The following NKIRAS1 variants were observed in gnomAD, a reference collection of about 807,000 sequenced individuals.
NKIRAS1 encodes the protein NFKB inhibitor interacting Ras like 1.
A neutral mutation model predicts 19.8 loss-of-function variants in NKIRAS1; 16 were observed. The ratio of observed to expected loss-of-function variants is 0.81; its 90% CI spans 0.55 to 1.23. The LOEUF is 1.23. NKIRAS1 is among the 50% of genes most tolerant of loss of function. The pLI, the probability that NKIRAS1 is intolerant of heterozygous loss-of-function variation, is 0.00. For synonymous variants in NKIRAS1, 88 were observed against 79.0 expected (o/e 1.11, Z -0.61); for missense variants, 184 against 220.0 (o/e 0.84, Z 1.04).
chr3:23,921,727 G>GCCA, upstream of NKIRAS1: 1 of 628,432 alleles, frequency 1.6e-6, no homozygotes, highest in Non-Finnish European at 2.8e-6. Context: ...GGCGCACACT[G>GCCA]CCATGCCCAG....
chr3:23,937,154 C>T (rs1705408782), intron 1 of NKIRAS1, among the ~76,000 whole-genome samples: 2 of 151,608 alleles, frequency 1.3e-5, no homozygotes, highest in South Asian at 4.2e-4. Context: ...CTGAGGTGGG[C>T]AGATCACTTG....
chr3:23,921,582 T>TTC, upstream of NKIRAS1: 2 of 676,970 alleles, frequency 3.0e-6, no homozygotes, highest in Non-Finnish European at 5.3e-6. Flanking sequence ...TTTTTTTTTT[T>TTC]TTTTTTTTTT....
chr3:23,907,359 G>T (rs899587670), intron 3 of NKIRAS1, among the ~76,000 whole-genome samples: 10 of 151,926 alleles, frequency 6.6e-5, no homozygotes, highest in Non-Finnish European at 1.5e-4. Context: ...TTTCTGGGGG[G>T]ACAAAAATTT....
chr3:23,893,137 CAAAGG>C lies in NKIRAS1; in HGVS notation c.532_536del (p.Pro178AlafsTer10), dbSNP rs933943912. 6.3e-7 allele frequency: 1 copy of C among 1,586,712 alleles called. No homozygotes were observed. Among genetic ancestry groups the C allele is most frequent in the Non-Finnish European group, 8.6e-7 (1 of 1,169,126 alleles). On this transcript the variant is annotated frameshift_variant, in exon 5 of 5. Coordinates refer to ENST00000425478, the MANE Select transcript of NKIRAS1 (RefSeq NM_020345.4). LOFTEE classifies it high-confidence loss of function. Reference sequence around the variant, plus strand: ...AGTTCCCTTTGTTTTTCCTCCCAGGCAAAGGAAAGCTTGATTTGCTCTGGGGTTGA... The same window carrying C: ...AGTTCCCTTTGTTTTTCCTCCCAGGCAAAGCTTGATTTGCTCTGGGGTTGA...
At chr3:23,941,863 A>G (rs926441219) in intron 1 of NKIRAS1, among the ~76,000 whole-genome samples, 2 of 152,246 alleles carry the variant, frequency 1.3e-5, no homozygotes, top group Admixed American at 6.5e-5. Context: ...CATCGAAGAG[A>G]GGGTCTTAAA....
chr3:23,924,602 G>A, intron 1 of NKIRAS1, among the ~76,000 whole-genome samples: 1 of 152,056 alleles, frequency 6.6e-6, no homozygotes, highest in East Asian at 1.9e-4. Context: ...TTTGCACCAT[G>A]TTTGCCAGGC....
chr3:23,915,001 G>GTCTGGGTGGTCTGGT (rs1704181942), intron 1 of NKIRAS1, among the ~76,000 whole-genome samples: 2 of 152,220 alleles, frequency 1.3e-5, no homozygotes, highest in Admixed American at 1.3e-4. Context: ...AGTGGTCTGG[G>GTCTGGGTGGTCTGGT]TGAGGCACCA....
chr3:23,896,134 C>CAAAAAAAAAA (rs71057634), intron 4 of NKIRAS1, among the ~76,000 whole-genome samples: 1 of 49,192 alleles, frequency 2.0e-5, no homozygotes, highest in Non-Finnish European at 3.5e-5. Context: ...GACTCCATCT[C>CAAAAAAAAAA]AAAAAAAAAA....
At chr3:23,934,066 T>C (rs1278764481) in intron 1 of NKIRAS1, among the ~76,000 whole-genome samples, 4 of 152,232 alleles carry the variant, frequency 2.6e-5, no homozygotes, top group Non-Finnish European at 4.4e-5. Context: ...TATATTAATT[T>C]GGAGGAACAC....
chr3:23,946,039 G>C (rs962723204), intron 1 of NKIRAS1: 3 of 930,982 alleles, frequency 3.2e-6, no homozygotes, highest in African/African-American at 1.8e-5. Context: ...GGGCGCGCGC[G>C]CGCGCGCTGG....
chr3:23,921,234 T>A (rs984383899), upstream of NKIRAS1, among the ~76,000 whole-genome samples: 1 of 152,206 alleles, frequency 6.6e-6, no homozygotes. Flanking sequence ...CTGTCCTTGC[T>A]ACCCAACAGT....
intron 1 of NKIRAS1, chr3:23,916,496 C>T (rs896725249): frequency 6.6e-6 from 1 of 152,320 alleles, no homozygotes; most frequent in African/African-American, 2.4e-5. Context: ...GCAATCCACC[C>T]ACTCCATGAC....
chr3:23,931,353 C>T (rs1187094667), intron 1 of NKIRAS1, among the ~76,000 whole-genome samples: 1 of 152,338 alleles, frequency 6.6e-6, no homozygotes, highest in East Asian at 1.9e-4. Flanking sequence ...CAGCTTTAGG[C>T]TCTTTCAATG....
At chr3:23,917,335 C>T (rs1425386769), upstream of NKIRAS1, 1 of 153,114 alleles carries the variant, frequency 6.5e-6, no homozygotes, top group African/African-American at 2.4e-5. Context: ...GAGGCGGCCC[C>T]CGGGGCGGGT....
In NKIRAS1 at chr3:23,898,547, G is replaced by A. The variant is rs539722926; in HGVS notation, c.336+2261C>T. ...AACCTCTGCCTCCCGGGTTTCAAGC[G>A]ATTCTCCTGCCTCGGCCTCCTGAGT... On this transcript the variant is annotated intron_variant, in intron 4 of 4. Transcript: ENST00000425478. Among the ~76,000 whole-genome samples the A allele has an allele frequency of 1.2e-4, 18 of 151,696 alleles. 1 individual carries two copies. The South Asian group carries it at 2.3e-3, about 19-fold the overall frequency.
intron 1 of NKIRAS1, among the ~76,000 whole-genome samples, chr3:23,940,242 G>A (rs540563058): frequency 9.3e-5 from 14 of 150,752 alleles, no homozygotes; most frequent in African/African-American, 3.2e-4. Context: ...AGCTAATTGA[G>A]AGGCTGAGGT....
upstream of NKIRAS1, chr3:23,917,192 C>A (rs1013916803): frequency 6.5e-6 from 1 of 152,788 alleles, no homozygotes; most frequent in Non-Finnish European, 1.5e-5. Flanking sequence ...CGTTGAGGAT[C>A]TTTGCTCTTC....
chr3:23,945,677 G>T (rs1399755498), intron 1 of NKIRAS1: 6 of 952,248 alleles, frequency 6.3e-6, no homozygotes, highest in Non-Finnish European at 6.6e-6. Flanking sequence ...CGGCGGCAGG[G>T]GGTGTCCCCA....
intron 3 of NKIRAS1, among the ~76,000 whole-genome samples, chr3:23,901,505 A>T (rs1460901708): frequency 6.6e-6 from 1 of 152,188 alleles, no homozygotes; most frequent in Non-Finnish European, 1.5e-5. Flanking sequence ...CTTTTAAAAA[A>T]TATTTCTTCT....
Sources: gnomAD v4.1 joint callset for allele counts (sites outside exome capture counted in the v4.1 genomes callset) on GRCh38, gnomAD v4.1.1 for gene constraint, MANE v1.5 for transcripts, NCBI Gene and HGNC (gene_info 2026-07-23, HGNC 2026-07-21) for gene names.